PTBP1: variants seen among roughly 807,000 people sequenced by gnomAD.
The protein encoded by PTBP1 is polypyrimidine tract-binding protein 1.
PTBP1 carries 8 observed loss-of-function variants against 59.8 expected under a neutral mutation model. That is an observed-to-expected ratio of 0.13 (90% confidence interval 0.08 to 0.24). The LOEUF (loss-of-function observed/expected upper bound fraction) is 0.24, where lower values mean the gene tolerates loss of function less well. Ranked by LOEUF, PTBP1 falls within the 10% of genes least tolerant of loss-of-function variation. The probability of loss-of-function intolerance (pLI) is 1.00; values close to 1 mark genes in which losing one functional copy is unlikely to be tolerated. For synonymous variants in PTBP1, 490 were observed against 320.7 expected, an observed-to-expected ratio of 1.53 and a Z score of -5.64; for missense variants, 686 against 767.0, an observed-to-expected ratio of 0.89 and a Z score of 1.25.
rs1013021146 is a variant in PTBP1, at chr19:811,517, C to T, written c.*691C>T. The T allele has an allele frequency of 6.6e-6, 1 of 152,484 alleles. No individual in the cohort carries two copies. The highest frequency in any genetic ancestry group is 2.4e-5 in the African/African-American group (1 of 41,464). The allele number at this position is 152,484 out of a possible 1,614,324, so 9.4% of individuals were successfully genotyped here. On this transcript the variant is annotated 3_prime_UTR_variant, in exon 15 of 15. Transcript: ENST00000356948. ...ATTCTAATCTTTTTTCATTTATATGCAAAAGAAATAGTTTTAAGTAACTTT... is the reference window on the plus strand; with the variant it reads ...ATTCTAATCTTTTTTCATTTATATGTAAAAGAAATAGTTTTAAGTAACTTT...
intron 2 of PTBP1, among the ~76,000 whole-genome samples, chr19:802,324 G>A (rs1380897566): frequency 6.6e-6 from 1 of 152,200 alleles, no homozygotes; most frequent in Admixed American, 6.5e-5. Context: ...GCTGAACGTG[G>A]GTGGAGGGGA....
intron 1 of PTBP1, among the ~76,000 whole-genome samples, 199 bp downstream of exon 1, chr19:797,704 C>A (rs184367561): frequency 0.084 from 12,446 of 148,294 alleles, 676 homozygotes; most frequent in Non-Finnish European, 0.12. Flanking sequence ...GCGTCCCCAT[C>A]CCCCGTCCGG....
rs1167563308 is a variant in PTBP1, at chr19:805,488, C to T, written c.893-4C>T. On this transcript the variant is annotated splice_region_variant and splice_polypyrimidine_tract_variant and intron_variant, in intron 8 of 14. Transcript: ENST00000356948. Reference sequence around the variant, plus strand: ...GCGATGATTAGTGTCTCATTTATTTCTAGGTGCACCTGGTATAATCTCAGC... The same window carrying T: ...GCGATGATTAGTGTCTCATTTATTTTTAGGTGCACCTGGTATAATCTCAGC... The T allele has an allele frequency of 3.1e-6, 5 of 1,612,094 alleles. No homozygotes were observed. Among genetic ancestry groups the T allele is most frequent in the Non-Finnish European group, 2.5e-6 (3 of 1,178,178 alleles).
At chr19:799,076 A>G (rs2034211093) in intron 1 of PTBP1, among the ~76,000 whole-genome samples, 1 of 151,868 alleles carries the variant, frequency 6.6e-6, no homozygotes, top group South Asian at 2.1e-4. Flanking sequence ...CAGCCCTTGA[A>G]CCCTCTCAGC....
intron 2 of PTBP1, among the ~76,000 whole-genome samples, chr19:799,960 C>G (rs915916860): frequency 6.6e-6 from 1 of 152,004 alleles, no homozygotes; most frequent in African/African-American, 2.4e-5. Context: ...TGGAGTCTTG[C>G]TTTGTCACCA....
At chr19:806,630 T>A in intron 10 of PTBP1, 74 bp downstream of exon 10, 2 of 1,385,094 alleles carry the variant, frequency 1.4e-6, no homozygotes, top group Non-Finnish European at 1.9e-6. Flanking sequence ...CGGGCTCGGG[T>A]CCCGGAGCAG....
chr19:801,323 C>T (rs2034324410), intron 2 of PTBP1, among the ~76,000 whole-genome samples: 1 of 152,248 alleles, frequency 6.6e-6, no homozygotes, highest in Admixed American at 6.5e-5. Flanking sequence ...CTCCAGGTGT[C>T]CCTTCCGTTC....
rs1379223584 is a variant in PTBP1, at chr19:807,876, C to T, written c.1127C>T (p.Thr376Ile). ...LVSNLNPERV[T>I]PQSLFILFGV... ...GCTCTGCTGTCTCTAAAGAGAGTCA[C>T]ACCCCAAAGCCTCTTTATTCTTTTC... The change falls in exon 11 of 15, where the codon ACA (threonine) becomes ATA (isoleucine). Residue 376 changes from threonine (T) to isoleucine (I), a missense_variant. Thr to Ile is a moderately conservative substitution (Grantham distance 89). Transcript: ENST00000356948. 7 of 1,613,552 alleles carry T rather than the reference C, an allele frequency of 4.3e-6. No homozygotes were observed. Among genetic ancestry groups the T allele is most frequent in the Non-Finnish European group, 5.9e-6 (7 of 1,179,610 alleles).
At position 804,618 on chromosome 19, in the gene PTBP1, G is replaced by T. The variant is rs769826830; in HGVS notation, c.522G>T (p.Gly174=). The T allele has an allele frequency of 7.4e-6, 12 of 1,612,542 alleles. No individual in the cohort carries two copies. The highest frequency in any genetic ancestry group is 8.5e-6 in the Non-Finnish European group (10 of 1,179,802). ...LAASAAAVDA[G]MAMAGQSPVL... is the part of the protein sequence containing the mutation. ...CCTCGGCGGCGGCCGTGGACGCAGG[G>T]ATGGCGATGGCCGGGCAGAGCCCCG... Residue 174 remains glycine, a synonymous_variant, in exon 6 of 15, where the codon GGG becomes GGT. Transcript: ENST00000356948.
chr19:804,727 G>T (rs764541501), intron 6 of PTBP1, 25 bp downstream of exon 6: 2 of 1,610,098 alleles, frequency 1.2e-6, no homozygotes, highest in Non-Finnish European at 1.7e-6. Flanking sequence ...TCACCGCCAG[G>T]GCAGGTCGGC....
chr19:803,488 A>G, intron 2 of PTBP1, 73 bp from the exon 3 acceptor site: 10 of 1,320,640 alleles, frequency 7.6e-6, no homozygotes, highest in Non-Finnish European at 1.1e-5. Context: ...AAGTGGGAGC[A>G]GGGCCGGCCG....
chr19:803,006 GTCGGGTTTCTTTTCC>G (rs1030500203), intron 2 of PTBP1, among the ~76,000 whole-genome samples: 1 of 152,226 alleles, frequency 6.6e-6, no homozygotes, highest in African/African-American at 2.4e-5. Context: ...AGAGACGGAG[GTCGGGTTTCTTTTCC>G]GGGCTGGAAA....
chr19:802,818 C>T (rs573028660), intron 2 of PTBP1, among the ~76,000 whole-genome samples: 2 of 152,314 alleles, frequency 1.3e-5, no homozygotes, highest in South Asian at 2.1e-4. Context: ...TAGTGCAATT[C>T]TTAGAAGTTG....
chr19:810,465 C>G, intron 13 of PTBP1, 78 bp from the exon 14 acceptor site: 3 of 1,280,622 alleles, frequency 2.3e-6, no homozygotes, highest in Non-Finnish European at 3.3e-6. Context: ...GAAAACTAGT[C>G]TGGGGAAAGC....
chr19:808,601 C>T lies in PTBP1; in HGVS notation c.1302C>T (p.Leu434=). ...ACGGGAAGCCCATCCGCATCACGCT[C>T]TCGAAGCACCAGAACGTGCAGCTGC... The part of the protein sequence containing the change: ...KLHGKPIRIT[L]SKHQNVQLPR... Residue 434 remains leucine, a synonymous_variant, in exon 13 of 15, where the codon CTC becomes CTT. Coordinates refer to ENST00000356948, the MANE Select transcript of PTBP1 (RefSeq NM_002819.5). The surrounding 1 kb of genome is among the most constrained non-coding windows in gnomAD (Gnocchi z 4.7). 6.2e-7 allele frequency: 1 copy of T among 1,608,718 alleles called. No homozygotes were observed. Among genetic ancestry groups the T allele is most frequent in the Non-Finnish European group, 8.5e-7 (1 of 1,178,846 alleles).
chr19:804,591 T>C lies in PTBP1; in HGVS notation c.495T>C (p.Ala165=). The C allele has an allele frequency of 5.0e-6, 8 of 1,611,524 alleles. No homozygotes were observed. The highest frequency in any genetic ancestry group is 6.8e-6 in the Non-Finnish European group (8 of 1,179,544). ...TCCAGTCGGGGAACCTGGCCTTGGC[T>C]GCCTCGGCGGCGGCCGTGGACGCAG... ...NSVQSGNLAL[A]ASAAAVDAGM... The change falls in exon 6 of 15, where the codon GCT becomes GCC. Residue 165 remains alanine (A), a synonymous_variant. Transcript: ENST00000356948.
Position 804,849 on chromosome 19 carries a change from A to G in PTBP1, c.627A>G (p.Thr209=). The change falls in exon 7 of 15, where the codon ACA becomes ACG. Residue 209 remains threonine, a synonymous_variant. Transcript: ENST00000356948. The part of the protein sequence containing the change: ...VLHQIFSKFG[T]VLKIITFTKN... ...TGCAGATTTTCTCCAAGTTCGGCAC[A>G]GTGTTGAAGATCATCACCTTCACCA... is the stretch of plus-strand genomic sequence containing the variant. The G allele has an allele frequency of 1.2e-6, 2 of 1,613,894 alleles. No homozygotes were observed. Among genetic ancestry groups the G allele is most frequent in the South Asian group, 1.1e-5 (1 of 91,084 alleles).
At chr19:797,815 G>A (rs1209306247) in intron 1 of PTBP1, among the ~76,000 whole-genome samples, 1 of 148,454 alleles carries the variant, frequency 6.7e-6, no homozygotes, top group African/African-American at 2.4e-5. Flanking sequence ...CCCCGCCTCG[G>A]CGGCGCGCGG....
At chr19:802,391 T>C (rs2034373359) in intron 2 of PTBP1, among the ~76,000 whole-genome samples, 1 of 147,594 alleles carries the variant, frequency 6.8e-6, no homozygotes, top group African/African-American at 2.5e-5. Context: ...TGGTGGGGGC[T>C]CTTTGGCCAG....
Sources: gnomAD v4.1 joint callset for allele counts (sites outside exome capture counted in the v4.1 genomes callset) on GRCh38, gnomAD v4.1.1 for gene constraint, Gnocchi (gnomAD v3.1) non-coding constraint, MANE v1.5 for transcripts, NCBI Gene and HGNC (gene_info 2026-07-23, HGNC 2026-07-21) for gene names.